The following AP5Z1 variants were observed in gnomAD, a reference collection of about 807,000 sequenced individuals.
AP5Z1 encodes AP-5 complex subunit zeta-1.
In AP5Z1, 106 loss-of-function variants were observed where a neutral mutation model predicts 83.0. That is an observed-to-expected ratio of 1.28 (90% confidence interval 1.09 to 1.50). The LOEUF is 1.50. AP5Z1 is among the 40% of genes most tolerant of loss of function. The probability of loss-of-function intolerance (pLI) is 0.00; values close to 1 mark genes in which losing one functional copy is unlikely to be tolerated. For synonymous variants in AP5Z1, 751 were observed against 514.1 expected (o/e 1.46, Z -6.23); for missense variants, 1,565 against 1,094.2 (o/e 1.43, Z -6.07).
At chr7:4,776,734 CAAAAGAA>C (rs918979963) in intron 1 of AP5Z1, among the ~76,000 whole-genome samples, 18 of 151,776 alleles carry the variant, frequency 1.2e-4, no homozygotes, top group African/African-American at 3.6e-4. Context: ...AACTCCGTCT[CAAAAGAA>C]AAAAGAAAAA....
intron 13 of AP5Z1, among the ~76,000 whole-genome samples, chr7:4,789,440 TCTCCCC>T (rs1781673088): frequency 6.6e-6 from 1 of 152,192 alleles, no homozygotes; most frequent in Admixed American, 6.5e-5. Flanking sequence ...GTGCCCCCCA[TCTCCCC>T]CATTGCTGCT....
At position 4,793,273 on chromosome 7, in the gene AP5Z1, C is replaced by G. The variant is rs1370965886; in HGVS notation, c.*1888C>G. On this transcript the variant is annotated 3_prime_UTR_variant, in exon 17 of 17. Transcript: ENST00000649063. Reference sequence around the variant, plus strand: ...GCTCTCAACTTTTTTTTTAAATAAACTGAAATTTTAGAATAGTTTTTCAGA... The same window carrying G: ...GCTCTCAACTTTTTTTTTAAATAAAGTGAAATTTTAGAATAGTTTTTCAGA... 2.0e-5 allele frequency: 3 copies of G among 152,278 alleles called. No homozygotes were observed. The highest frequency in any genetic ancestry group is 7.2e-5 in the African/African-American group (3 of 41,474). 9.4% of individuals were successfully genotyped at this position (152,278 alleles called of 1,614,324 possible).
In AP5Z1 at chr7:4,779,613, AC is replaced by A. The variant is rs1583226085; in HGVS notation, c.42-1560del. Among the ~76,000 whole-genome samples the A allele has an allele frequency of 5.9e-5, 9 of 151,498 alleles. No homozygotes were observed. In the South Asian group the frequency reaches 1.9e-3, roughly 32 times the overall value. On this transcript the variant is annotated intron_variant, in intron 1 of 16. Transcript: ENST00000649063. ...CAGCCTTTCAAGTGGCTGGGACTAC[AC>A]CATGCCCAGTGAATTTTTTTTATTT...
chr7:4,781,376 C>T, intron 2 of AP5Z1, 64 bp downstream of exon 2: 1 of 1,605,398 alleles, frequency 6.2e-7, no homozygotes, highest in Non-Finnish European at 8.5e-7. Flanking sequence ...CCAGCCCACG[C>T]CCAGCAGGTC....
intron 14 of AP5Z1, 148 bp from the exon 15 acceptor site, chr7:4,790,311 G>A (rs1204421188): frequency 6.5e-7 from 1 of 1,548,612 alleles, no homozygotes; most frequent in Non-Finnish European, 8.7e-7. Context: ...GTTTCTCTGA[G>A]GCTGGCAGTC....
chr7:4,784,986 G>C lies in AP5Z1; in HGVS notation c.869G>C (p.Arg290Pro). 1.2e-6 allele frequency: 2 copies of C among 1,612,126 alleles called. No individual in the cohort carries two copies. The highest frequency in any genetic ancestry group is 2.2e-5 in the South Asian group (2 of 91,020). Reference protein sequence around the residue: ...TSSAGRLLPPRERLREVAFEY... With the variant: ...TSSAGRLLPPPERLREVAFEY... ...TCTGCCGGCCGCCTGCTGCCGCCCC[G>C]GGAGCGGCTTCGGGAGGTGGCCTTC... Residue 290 changes from arginine to proline, a missense_variant, in exon 7 of 17, where the codon CGG (arginine) becomes CCG (proline). Coordinates refer to ENST00000649063, the MANE Select transcript of AP5Z1 (RefSeq NM_014855.3).
intron 7 of AP5Z1, 102 bp downstream of exon 7, chr7:4,785,150 G>GA: frequency 2.0e-6 from 3 of 1,494,672 alleles, no homozygotes; most frequent in Non-Finnish European, 2.7e-6. Context: ...CTGCTCCACA[G>GA]AGGGGGTCCC....
intron 1 of AP5Z1, among the ~76,000 whole-genome samples, chr7:4,778,866 A>T (rs1470436730): frequency 2.1e-5 from 3 of 145,072 alleles, no homozygotes; most frequent in African/African-American, 7.5e-5. Flanking sequence ...ATAATATTTT[A>T]TATATAATCA....
rs1336424310 is a variant in AP5Z1, at chr7:4,789,789, AGTGGGG to A, written c.1708-36_1708-31del. The stretch of plus-strand genomic sequence containing the variant: ...CTTCACCCCCAACCTTAGGGCCTGC[AGTGGGG>A]GTGGGGCTGAGCCTGTTTCCCACTC... On this transcript the variant is annotated intron_variant, in intron 13 of 16. Transcript: ENST00000649063. 1.5e-5 allele frequency: 22 copies of A among 1,489,036 alleles called. No homozygotes were observed. In the East Asian group the frequency reaches 2.5e-4, roughly 17 times the overall value. 92.2% of individuals were successfully genotyped at this position (1,489,036 alleles called of 1,614,324 possible). A position where few individuals can be genotyped will look rare whatever the true frequency, so the allele number is the denominator to read the frequency against.
In AP5Z1 at chr7:4,791,549, T is replaced by G; in HGVS notation, c.*164T>G. The G allele has an allele frequency of 9.6e-7, 1 of 1,044,900 alleles. No homozygotes were observed. The highest frequency in any genetic ancestry group is 1.7e-5 in the South Asian group (1 of 58,764). 64.7% of individuals were successfully genotyped at this position (1,044,900 alleles called of 1,614,324 possible). On this transcript the variant is annotated 3_prime_UTR_variant, in exon 17 of 17. Coordinates refer to ENST00000649063, the MANE Select transcript of AP5Z1 (RefSeq NM_014855.3). ...CACAGACACGCGGGGCTGGCCCCCC[T>G]GCTCACCCTCTGGGCTTTGTCTCCG...
chr7:4,786,515 G>T, intron 10 of AP5Z1, 87 bp downstream of exon 10: 2 of 1,492,544 alleles, frequency 1.3e-6, no homozygotes, highest in South Asian at 2.4e-5. Flanking sequence ...TTCAGGGCGA[G>T]TCCTGGCTGA....
At chr7:4,781,073 TTC>T in intron 1 of AP5Z1, 100 bp from the exon 2 acceptor site, 2 of 1,459,952 alleles carry the variant, frequency 1.4e-6, no homozygotes, top group Non-Finnish European at 1.8e-6. Flanking sequence ...CACACTCGGC[TTC>T]TCTTTTCTAA....
At chr7:4,780,633 G>T (rs1052354390) in intron 1 of AP5Z1, among the ~76,000 whole-genome samples, 6 of 152,176 alleles carry the variant, frequency 3.9e-5, no homozygotes, top group Non-Finnish European at 8.8e-5. Flanking sequence ...GGGCGTGGTG[G>T]TGGGTGCCTG....
chr7:4,790,775 G>T lies in AP5Z1; in HGVS notation c.2041G>T (p.Val681Phe). 6.2e-7 allele frequency: 1 copy of T among 1,608,790 alleles called. No individual in the cohort carries two copies. The highest frequency in any genetic ancestry group is 8.5e-7 in the Non-Finnish European group (1 of 1,178,652). ...FEALEALLFE[V>F]TQCRPSAALP... ...AGCCCTGGAGGCTCTGCTATTCGAG[G>T]TCACCCAGTGCCGCCCCTCTGCTGC... The change falls in exon 16 of 17, where the codon GTC becomes TTC. Residue 681 changes from valine (V) to phenylalanine (F), a missense_variant. Coordinates refer to ENST00000649063, the MANE Select transcript of AP5Z1 (RefSeq NM_014855.3).
Position 4,790,763 on chromosome 7 carries a change from C to G in AP5Z1, c.2029C>G (p.Leu677Val), listed in dbSNP as rs551299571. 3.7e-6 allele frequency: 6 copies of G among 1,609,138 alleles called. No individual in the cohort carries two copies. In the African/African-American group the frequency reaches 4.0e-5, roughly 11 times the overall value. Residue 677 changes from leucine (L) to valine (V), a missense_variant, in exon 16 of 17, where the codon CTG becomes GTG. Physicochemically the swap from Leu to Val is conservative, Grantham distance 32 (BLOSUM62 1). Transcript: ENST00000649063. ...CAAGTTCTTCGAAGCCCTGGAGGCTCTGCTATTCGAGGTCACCCAGTGCCG... is the reference window on the plus strand; with the variant it reads ...CAAGTTCTTCGAAGCCCTGGAGGCTGTGCTATTCGAGGTCACCCAGTGCCG... ...INKFFEALEA[L>V]LFEVTQCRPS...
intron 2 of AP5Z1, 65 bp downstream of exon 2, chr7:4,781,377 C>T: frequency 6.2e-7 from 1 of 1,605,742 alleles, no homozygotes; most frequent in East Asian, 2.2e-5. Context: ...CAGCCCACGC[C>T]CAGCAGGTCA....
chr7:4,786,253 A>C lies in AP5Z1; in HGVS notation c.1136A>C (p.Glu379Ala). The C allele has an allele frequency of 6.2e-7, 1 of 1,601,320 alleles. No homozygotes were observed. Among genetic ancestry groups the C allele is most frequent in the Non-Finnish European group, 8.5e-7 (1 of 1,172,304 alleles). Reference protein sequence around the residue: ...PLAHFFLSHGEAAAVDSEAVY... With the variant: ...PLAHFFLSHGAAAAVDSEAVY... ...CTGGCGGGCCCTGGTCTTGCAGGGGAAGCGGCTGCAGTGGACTCGGAAGCC... is the reference window on the plus strand; with the variant it reads ...CTGGCGGGCCCTGGTCTTGCAGGGGCAGCGGCTGCAGTGGACTCGGAAGCC... The change falls in exon 10 of 17, where the codon GAA becomes GCA. Residue 379 changes from glutamate (E) to alanine (A), a missense_variant. Transcript: ENST00000649063.
rs374458527 is a variant in AP5Z1 at position 4,780,514 on chromosome 7, C to T, written c.42-661C>T. ...GCGCGGTGGCTCACGCCTGTAATCC[C>T]AGCACTTTGGGAGGCCGAGGTGGGC... On this transcript the variant is annotated intron_variant, in intron 1 of 16. Transcript: ENST00000649063. Among the ~76,000 whole-genome samples, 8 of 152,142 alleles carry T rather than the reference C, an allele frequency of 5.3e-5. No homozygotes were observed. In the East Asian group the frequency reaches 1.4e-3, roughly 26 times the overall value.
At chr7:4,785,765 T>C in intron 9 of AP5Z1, 81 bp downstream of exon 9, 5 of 1,253,476 alleles carry the variant, frequency 4.0e-6, no homozygotes, top group South Asian at 2.0e-5. Context: ...CTTCCCTTTT[T>C]TTTTTTTTTT....
Sources: allele counts gnomAD v4.1 joint callset (sites outside exome capture counted in the v4.1 genomes callset), GRCh38; gene constraint gnomAD v4.1.1; transcripts MANE v1.5; gene names NCBI Gene and HGNC (gene_info 2026-07-23, HGNC 2026-07-21).